Variants in NCALD observed in about 807,000 individuals in gnomAD.
NCALD encodes the protein neurocalcin delta, also known as neurocalcin-delta.
NCALD carries 10 observed loss-of-function variants against 18.6 expected under a neutral mutation model. That is an observed-to-expected ratio of 0.54 (90% CI 0.33 to 0.91). NCALD has a LOEUF of 0.91. Among genes scored for constraint, NCALD ranks in the 40% least tolerant of loss-of-function variants. NCALD has a pLI of 0.03. For synonymous variants in NCALD, 88 were observed against 87.4 expected (o/e 1.01, Z -0.04); for missense variants, 184 against 247.6 (o/e 0.74, Z 1.72).
intron 2 of NCALD, among the ~76,000 whole-genome samples, chr8:101,986,022 C>A (rs1820794187): frequency 6.6e-6 from 1 of 151,948 alleles, no homozygotes. Context: ...TTCTTTCTTT[C>A]TTTTTTCCTT....
intron 1 of NCALD, among the ~76,000 whole-genome samples, chr8:101,748,257 T>G (rs4734040): frequency 0.62 from 94,664 of 152,068 alleles, 31,929 homozygotes; most frequent in Non-Finnish European, 0.75. Flanking sequence ...GGTGATTTAA[T>G]CTAAGCATTT....
At chr8:101,867,138 G>T (rs933919133) in intron 4 of NCALD, among the ~76,000 whole-genome samples, 5 of 152,136 alleles carry the variant, frequency 3.3e-5, no homozygotes, top group African/African-American at 1.2e-4. Flanking sequence ...CTCCCACCAA[G>T]TATCTGCCAG....
At chr8:101,878,284 T>G (rs897436085) in intron 4 of NCALD, among the ~76,000 whole-genome samples, 1 of 152,244 alleles carries the variant, frequency 6.6e-6, no homozygotes, top group Non-Finnish European at 1.5e-5. Flanking sequence ...ATTAAGAATC[T>G]TACATTTTAA....
At chr8:101,841,780 T>C (rs1368859934) in intron 4 of NCALD, among the ~76,000 whole-genome samples, 1 of 152,144 alleles carries the variant, frequency 6.6e-6, no homozygotes, top group Non-Finnish European at 1.5e-5. Flanking sequence ...TTGGTTTACA[T>C]ATGAGCATGC....
intron 1 of NCALD, among the ~76,000 whole-genome samples, chr8:102,103,902 G>C (rs983007841): frequency 1.1e-4 from 17 of 152,198 alleles, no homozygotes; most frequent in African/African-American, 4.1e-4. Flanking sequence ...TGAAAAATTT[G>C]ATAGGCAAAA....
intron 4 of NCALD, among the ~76,000 whole-genome samples, chr8:101,804,488 ATAATTAATATAAT>A (rs544665066): frequency 0.036 from 4,328 of 120,944 alleles, 376 homozygotes; most frequent in African/African-American, 0.16. Context: ...TATATAATAT[ATAATTAATATAAT>A]TAATTATATA....
At chr8:102,116,565 C>T (rs1158684985) in intron 1 of NCALD, among the ~76,000 whole-genome samples, 2 of 152,252 alleles carry the variant, frequency 1.3e-5, no homozygotes, top group East Asian at 1.9e-4. Flanking sequence ...TCACTGCCGC[C>T]TCCACCTCCC....
intron 2 of NCALD, among the ~76,000 whole-genome samples, chr8:101,699,472 T>G (rs1383418285): frequency 6.6e-6 from 1 of 152,218 alleles, no homozygotes; most frequent in African/African-American, 2.4e-5. Flanking sequence ...GTATGTTTAT[T>G]GCAGTACTAT....
intron 1 of NCALD, among the ~76,000 whole-genome samples, chr8:101,766,344 A>T (rs556691360): frequency 5.0e-5 from 7 of 140,324 alleles, no homozygotes; most frequent in Non-Finnish European, 7.6e-5. Flanking sequence ...ATTGAAAACA[A>T]ATTCGCCAGA....
At chr8:101,879,320 C>T (rs926214967) in intron 4 of NCALD, among the ~76,000 whole-genome samples, 10 of 152,108 alleles carry the variant, frequency 6.6e-5, no homozygotes, top group Admixed American at 6.5e-4. Context: ...GGTCCTTCTG[C>T]TGGGTTCGTG....
chr8:101,953,564 T>C (rs766990896), intron 2 of NCALD, among the ~76,000 whole-genome samples: 1 of 152,180 alleles, frequency 6.6e-6, no homozygotes, highest in Non-Finnish European at 1.5e-5. Flanking sequence ...AAATGAAGGA[T>C]CAGAGATCTC....
chr8:102,106,965 G>A (rs1490863925), intron 1 of NCALD, among the ~76,000 whole-genome samples: 3 of 151,762 alleles, frequency 2.0e-5, no homozygotes, highest in Non-Finnish European at 4.4e-5. Context: ...ACCTGAGGCT[G>A]GAGGGTTTTG....
chr8:101,732,656 T>G (rs1289995337), intron 1 of NCALD, among the ~76,000 whole-genome samples: 3 of 127,756 alleles, frequency 2.3e-5, no homozygotes, highest in Non-Finnish European at 4.7e-5. Context: ...CAGACTGGAG[T>G]GCAGTGGCAC....
At chr8:102,055,408 C>A (rs571963985) in intron 1 of NCALD, among the ~76,000 whole-genome samples, 1 of 152,246 alleles carries the variant, frequency 6.6e-6, no homozygotes, top group African/African-American at 2.4e-5. Context: ...ACGTTCACGA[C>A]ATAAAGAGAA....
At chr8:101,926,152 C>T (rs1169233853) in intron 2 of NCALD, among the ~76,000 whole-genome samples, 1 of 152,124 alleles carries the variant, frequency 6.6e-6, no homozygotes, top group Non-Finnish European at 1.5e-5. Context: ...AATCTGCAGC[C>T]AACAAGAACA....
Position 101,692,782 on chromosome 8 carries a change from G to T in NCALD, c.484+9C>A. ...ATCTGAGCAAAGCAGTGTAGCCCCC[G>T]CCTCCTACCGTCTCTATTGGTGTCC... On this transcript the variant is annotated intron_variant, in intron 3 of 3. Transcript: ENST00000220931. The T allele has an allele frequency of 6.2e-7, 1 of 1,604,952 alleles. No homozygotes were observed. The highest frequency in any genetic ancestry group is 8.5e-7 in the Non-Finnish European group (1 of 1,172,194).
At chr8:101,710,733 G>A (rs1292773693) in intron 2 of NCALD, among the ~76,000 whole-genome samples, 3 of 152,228 alleles carry the variant, frequency 2.0e-5, no homozygotes, top group Non-Finnish European at 2.9e-5. Flanking sequence ...TCTCTGGGCA[G>A]GGCATCTCTG....
chr8:101,858,752 C>T (rs546764047), intron 4 of NCALD, among the ~76,000 whole-genome samples: 19 of 152,214 alleles, frequency 1.2e-4, no homozygotes, highest in Admixed American at 5.9e-4. Context: ...GATAGCCCCA[C>T]GGAGAATCCC....
chr8:101,849,840 G>A (rs1465049138), intron 4 of NCALD, among the ~76,000 whole-genome samples: 2 of 152,194 alleles, frequency 1.3e-5, no homozygotes, highest in Non-Finnish European at 2.9e-5. Flanking sequence ...ACAAAGGCAG[G>A]GGCTCTGAGC....
Sources: gnomAD v4.1 joint callset for allele counts (sites outside exome capture counted in the v4.1 genomes callset) on GRCh38, gnomAD v4.1.1 for gene constraint, MANE v1.5 for transcripts, NCBI Gene and HGNC (gene_info 2026-07-23, HGNC 2026-07-21) for gene names.